Variants in C1QTNF9 observed in about 807,000 individuals in gnomAD.
C1QTNF9 encodes the protein complement C1q and tumor necrosis factor-related protein 9A.
A neutral mutation model predicts 10.1 loss-of-function variants in C1QTNF9; 6 were observed. The ratio of observed to expected loss-of-function variants is 0.59; its 90% CI spans 0.32 to 1.17. The LOEUF (loss-of-function observed/expected upper bound fraction) is 1.17. Among genes scored for constraint, C1QTNF9 ranks in the 50% most tolerant of loss-of-function variants. C1QTNF9 has a pLI of 0.04. For missense variants in C1QTNF9, 201 were observed against 418.8 expected (o/e 0.48, Z 4.54); for synonymous variants, 98 against 163.5 (o/e 0.60, Z 3.06).
chr13:24,314,721 G>A (rs759779280), intron 1 of C1QTNF9, among the ~76,000 whole-genome samples: 3 of 152,120 alleles, frequency 2.0e-5, no homozygotes, highest in Admixed American at 6.6e-5. Context: ...GTGCATGCCT[G>A]TAGTCCCAGC....
rs546066619 is a variant in C1QTNF9, at chr13:24,318,351, G to T, written c.167-467G>T. The stretch of plus-strand genomic sequence containing the variant: ...CTCTTCTATCTTGGGATAGTGTCAC[G>T]TAACCATAGTCATCTGTGTTTTCAT... On this transcript the variant is annotated intron_variant, in intron 2 of 3. Coordinates refer to ENST00000332018, the Ensembl canonical transcript of C1QTNF9. Among the ~76,000 whole-genome samples, 69 of 152,286 alleles carry T rather than the reference G, an allele frequency of 4.5e-4. 2 individuals carry two copies. In the South Asian group the frequency reaches 0.014, roughly 31 times the overall value.
At chr13:24,317,089 C>T (rs1454511142) in intron 2 of C1QTNF9, among the ~76,000 whole-genome samples, 1 of 152,158 alleles carries the variant, frequency 6.6e-6, no homozygotes, top group Admixed American at 6.5e-5. Context: ...TTCTTTCTAA[C>T]CACCATCCTG....
At chr13:24,307,506 T>G (rs1441178152), upstream of C1QTNF9, among the ~76,000 whole-genome samples, 1 of 152,226 alleles carries the variant, frequency 6.6e-6, no homozygotes, top group Non-Finnish European at 1.5e-5. Flanking sequence ...AAGAGCTAAG[T>G]CAACAGCCCA....
intron 3 of C1QTNF9, among the ~76,000 whole-genome samples, chr13:24,319,391 T>C (rs947041461): frequency 5.3e-5 from 8 of 151,896 alleles, no homozygotes; most frequent in African/African-American, 9.7e-5. Context: ...AAAAAAAAAT[T>C]AGCTGGGCAT....
In C1QTNF9 at chr13:24,318,703, G is replaced by T. The variant is rs9580939; in HGVS notation, c.167-115G>T. The T allele has an allele frequency of 1.4e-4, 194 of 1,424,194 alleles. 1 individual carries two copies. The South Asian group carries it at 2.3e-3, about 17-fold the overall frequency. The allele number at this position is 1,424,194 out of a possible 1,614,324, so 88.2% of individuals were successfully genotyped here. On this transcript the variant is annotated intron_variant, in intron 2 of 3. Coordinates refer to ENST00000332018, the Ensembl canonical transcript of C1QTNF9. ...CGCTTGTGTGGAGGACAGAGTGCCCGTCAGGGCGGGGGTCACCCCCAGACT... is the reference window on the plus strand; with the variant it reads ...CGCTTGTGTGGAGGACAGAGTGCCCTTCAGGGCGGGGGTCACCCCCAGACT...
At position 24,321,467 on chromosome 13, in the gene C1QTNF9, A is replaced by C. The variant is rs577698338; in HGVS notation, c.701A>C (p.Tyr234Ser). The change falls in exon 4 of 4, where the codon TAT becomes TCT. Residue 234 changes from tyrosine to serine, a missense_variant. By Grantham distance (144) the Tyr-to-Ser change is moderately radical. Coordinates refer to ENST00000332018, the Ensembl canonical transcript of C1QTNF9. ...ATCCTGTATAACGAATTCAACCATTATGATACAGCAGCGGGGAAATTCACG... is the reference window on the plus strand; with the variant it reads ...ATCCTGTATAACGAATTCAACCATTCTGATACAGCAGCGGGGAAATTCACG... The C allele has an allele frequency of 1.7e-5, 28 of 1,613,626 alleles. No individual in the cohort carries two copies. In the East Asian group the frequency reaches 6.0e-4, roughly 35 times the overall value.
chr13:24,315,752 C>T, intron 1 of C1QTNF9: 1 of 527,750 alleles, frequency 1.9e-6, no homozygotes, highest in East Asian at 2.8e-5. Flanking sequence ...TTTTAAATTG[C>T]CCGTTCACCT....
At chr13:24,310,427 A>G (rs993209297) in intron 1 of C1QTNF9, among the ~76,000 whole-genome samples, 4 of 151,056 alleles carry the variant, frequency 2.6e-5, no homozygotes, top group African/African-American at 9.7e-5. Flanking sequence ...CTGGGATTAC[A>G]GGCATGAGCC....
intron 2 of C1QTNF9, among the ~76,000 whole-genome samples, chr13:24,317,816 G>A (rs533962031): frequency 1.5e-4 from 22 of 151,546 alleles, no homozygotes; most frequent in Admixed American, 1.1e-3. Flanking sequence ...AAAGAGGGAA[G>A]GAGAGGAAGA....
At chr13:24,308,027 G>T (rs907097962), upstream of C1QTNF9, among the ~76,000 whole-genome samples, 7 of 152,210 alleles carry the variant, frequency 4.6e-5, no homozygotes, top group African/African-American at 1.7e-4. Flanking sequence ...GAGTGAGTGG[G>T]GTGTCAGCAA....
chr13:24,318,830 G>A (rs149288885), exon 3 of C1QTNF9: 187 of 1,614,188 alleles, frequency 1.2e-4, no homozygotes, highest in African/African-American at 6.8e-4. Flanking sequence ...GAACCAGGAC[G>A]TCCTGGCAGC....
chr13:24,312,921 C>G (rs1045116847), intron 1 of C1QTNF9, among the ~76,000 whole-genome samples: 1 of 148,104 alleles, frequency 6.8e-6, no homozygotes, highest in Admixed American at 6.8e-5. Flanking sequence ...CGCCACTGCA[C>G]TCCAGCCTGG....
In C1QTNF9 at chr13:24,321,596, A is replaced by G. The variant is rs542947631; in HGVS notation, c.830A>G (p.Lys277Arg). 366 of 1,614,124 alleles carry G rather than the reference A, an allele frequency of 2.3e-4. 1 individual carries two copies. Among genetic ancestry groups the G allele is most frequent in the Middle Eastern group, 9.9e-4 (6 of 6,060 alleles). ...AATGGAGTAAAAATACTGCACACCA[A>G]AGATGCTTACATGAGCTCTGAGGAC... Residue 277 changes from lysine to arginine, a missense_variant, in exon 4 of 4, where the codon AAA becomes AGA. This residue lies in a region of C1QTNF9 where 86 missense variants were observed against 87.0 expected (regional missense o/e 0.99). Coordinates refer to ENST00000332018, the Ensembl canonical transcript of C1QTNF9.
Position 24,316,191 on chromosome 13 carries a change from CT to C in C1QTNF9, c.166+23del. The C allele has an allele frequency of 2.0e-6, 3 of 1,519,392 alleles. 1 individual carries two copies. The highest frequency in any genetic ancestry group is 2.7e-6 in the Non-Finnish European group (3 of 1,103,806). The allele number at this position is 1,519,392 out of a possible 1,614,324, so 94.1% of individuals were successfully genotyped here. Reference sequence around the variant, plus strand: ...GCAGGTACTCACCTGACGGCTTCGGCTGCCTTTCAACTTCTCTCTTCATTCC... The same window carrying C: ...GCAGGTACTCACCTGACGGCTTCGGCGCCTTTCAACTTCTCTCTTCATTCC... On this transcript the variant is annotated intron_variant, in intron 2 of 3. Transcript: ENST00000332018.
chr13:24,314,048 ATGGCACACAAT>A (rs1469838801), intron 1 of C1QTNF9, among the ~76,000 whole-genome samples: 4 of 152,174 alleles, frequency 2.6e-5, no homozygotes, highest in Non-Finnish European at 5.9e-5. Flanking sequence ...GCTGCAGGTA[ATGGCACACAAT>A]TGGCACACAG....
chr13:24,312,912 G>A (rs1011399950), intron 1 of C1QTNF9, among the ~76,000 whole-genome samples: 27 of 145,340 alleles, frequency 1.9e-4, no homozygotes, highest in Admixed American at 8.7e-4. Flanking sequence ...CCAAGATCGC[G>A]CCACTGCACT....
At chr13:24,308,347 A>G (rs914284926), upstream of C1QTNF9, among the ~76,000 whole-genome samples, 10 of 152,222 alleles carry the variant, frequency 6.6e-5, no homozygotes, top group Admixed American at 6.5e-4. Flanking sequence ...GAGACCAGCC[A>G]CGCGAGCAAG....
exon 4 of C1QTNF9, chr13:24,322,316 G>A (rs1218032581): frequency 1.3e-5 from 2 of 152,508 alleles, no homozygotes; most frequent in Admixed American, 6.5e-5. Context: ...GTGGTTTGCT[G>A]TATCTATCAA....
chr13:24,309,908 T>C (rs536872561), intron 1 of C1QTNF9, among the ~76,000 whole-genome samples: 2 of 152,276 alleles, frequency 1.3e-5, no homozygotes, highest in South Asian at 4.1e-4. Flanking sequence ...CTTTTTTTCT[T>C]TTTTTCAGAT....
Sources: allele counts gnomAD v4.1 joint callset (sites outside exome capture counted in the v4.1 genomes callset), GRCh38; gene constraint gnomAD v4.1.1; regional missense constraint gnomAD v4.1.1; transcripts MANE v1.5; gene names NCBI Gene and HGNC (gene_info 2026-07-23, HGNC 2026-07-21).